Variants in PRKG1 observed in about 807,000 individuals in gnomAD.
PRKG1 encodes cGMP-dependent protein kinase 1.
A neutral mutation model predicts 88.1 loss-of-function variants in PRKG1; 35 were observed. That is an observed-to-expected ratio of 0.40 (90% CI 0.30 to 0.53). The LOEUF (loss-of-function observed/expected upper bound fraction) is 0.53. Among genes scored for constraint, PRKG1 ranks in the 20% least tolerant of loss-of-function variants. The pLI, the probability that PRKG1 is intolerant of heterozygous loss-of-function variation, is 0.59. For missense variants in PRKG1, 540 were observed against 839.8 expected, an observed-to-expected ratio of 0.64 and a Z score of 4.41; for synonymous variants, 303 against 292.5, an observed-to-expected ratio of 1.04 and a Z score of -0.37.
chr10:51,494,763 T>C (rs1236676720), intron 3 of PRKG1, among the ~76,000 whole-genome samples: 2 of 152,224 alleles, frequency 1.3e-5, no homozygotes, highest in Non-Finnish European at 2.9e-5. Context: ...CTCTCTGTAT[T>C]TTTCTATTAA....
intron 2 of PRKG1, among the ~76,000 whole-genome samples, chr10:51,262,118 C>A (rs1230566729): frequency 6.6e-6 from 1 of 151,720 alleles, no homozygotes; most frequent in African/African-American, 2.4e-5. Context: ...GATCTCCTGA[C>A]CTCGTGATCC....
chr10:50,991,391 G>A lies in PRKG1; in HGVS notation c.13G>A (p.Glu5Lys), dbSNP rs200844105. 1.9e-6 allele frequency: 3 copies of A among 1,548,410 alleles called. No homozygotes were observed. Among genetic ancestry groups the A allele is most frequent in the African/African-American group, 1.4e-5 (1 of 71,474 alleles). The stretch of plus-strand genomic sequence containing the variant: ...GCTCAGTGAAAAAATGAGCGAGCTA[G>A]AGGAAGACTTTGCCAAGATTCTCAT... The change falls in exon 1 of 18, where the codon GAG becomes AAG. Residue 5 changes from glutamate to lysine, a missense_variant. Physicochemically the swap from Glu to Lys is moderately conservative, Grantham distance 56. Transcript: ENST00000401604. This position sits in a 1 kb window ranked among gnomAD's most constrained non-coding sequence, Gnocchi z 4.5.
chr10:51,425,933 G>T (rs979837908), intron 2 of PRKG1, among the ~76,000 whole-genome samples: 1 of 152,132 alleles, frequency 6.6e-6, no homozygotes, highest in Non-Finnish European at 1.5e-5. Flanking sequence ...AGATAAATCT[G>T]CATTTAAAAT....
At chr10:52,262,472 T>C (rs1371974685) in intron 10 of PRKG1, among the ~76,000 whole-genome samples, 1 of 152,084 alleles carries the variant, frequency 6.6e-6, no homozygotes. Context: ...AGTTTCACCA[T>C]GTTGGCCAGG....
intron 3 of PRKG1, among the ~76,000 whole-genome samples, chr10:51,699,948 C>T (rs531291119): frequency 6.6e-6 from 1 of 152,252 alleles, no homozygotes; most frequent in Non-Finnish European, 1.5e-5. Context: ...GCTTCCGTTC[C>T]GCTGGCGGGA....
In PRKG1 at chr10:51,608,190, C is replaced by A. The variant is rs77580631; in HGVS notation, c.592+140354C>A. Among the ~76,000 whole-genome samples, 1,175 of 151,588 alleles carry A rather than the reference C, an allele frequency of 7.8e-3. 12 individuals are homozygous for A. Among genetic ancestry groups the A allele is most frequent in the Non-Finnish European group, 9.4e-3 (634 of 67,770 alleles). ...AACAACAGACTGCATATACTATAAC[C>A]GTAATAGGTTTGTTGCCTGATGCAC... On this transcript the variant is annotated intron_variant, in intron 3 of 17. Coordinates refer to ENST00000373980, the MANE Select transcript of PRKG1 (RefSeq NM_006258.4).
At chr10:52,087,851 G>A (rs924424391) in intron 7 of PRKG1, among the ~76,000 whole-genome samples, 2 of 152,010 alleles carry the variant, frequency 1.3e-5, no homozygotes, top group African/African-American at 4.8e-5. Flanking sequence ...TAGAGAAAAA[G>A]CAAAACTTAT....
chr10:51,829,480 A>G lies in PRKG1; in HGVS notation c.698+24790A>G, dbSNP rs115681978. On this transcript the variant is annotated intron_variant, in intron 4 of 17. Transcript: ENST00000373980. ...AGTTGCAGAAGATAAAATCTATGAA[A>G]TATATTTTAACAGCAATAAGGAAAA... is the stretch of plus-strand genomic sequence containing the variant. Among the ~76,000 whole-genome samples, 536 of 152,298 alleles carry G rather than the reference A, an allele frequency of 3.5e-3. 1 individual carries two copies. The highest frequency in any genetic ancestry group is 0.011 in the African/African-American group (448 of 41,574).
intron 4 of PRKG1, among the ~76,000 whole-genome samples, chr10:51,820,778 C>G (rs150643428): frequency 6.6e-6 from 1 of 152,270 alleles, no homozygotes; most frequent in Admixed American, 6.5e-5. Flanking sequence ...AGAAGATTCT[C>G]ATAGATCTTT....
chr10:51,535,744 A>T (rs1379854988), intron 3 of PRKG1, among the ~76,000 whole-genome samples: 3 of 140,560 alleles, frequency 2.1e-5, no homozygotes, highest in African/African-American at 8.3e-5. Context: ...TTTTTTTTTT[A>T]AACGGAGTCT....
intron 4 of PRKG1, among the ~76,000 whole-genome samples, chr10:51,855,467 A>G (rs1840656705): frequency 1.3e-5 from 2 of 152,016 alleles, no homozygotes; most frequent in South Asian, 2.1e-4. Flanking sequence ...CTGCTGCTCC[A>G]CTCTATGTGA....
At chr10:51,958,807 A>C (rs1344142615) in intron 5 of PRKG1, among the ~76,000 whole-genome samples, 2 of 152,138 alleles carry the variant, frequency 1.3e-5, no homozygotes, top group Non-Finnish European at 2.9e-5. Flanking sequence ...AACAGCATCA[A>C]ATATTAGTAG....
At chr10:51,903,232 T>C (rs1276697007) in intron 4 of PRKG1, among the ~76,000 whole-genome samples, 1 of 152,084 alleles carries the variant, frequency 6.6e-6, no homozygotes, top group Non-Finnish European at 1.5e-5. Flanking sequence ...CCAAAAGCAG[T>C]GTTCAGATTT....
chr10:51,889,060 C>CCT (rs1554852658), intron 4 of PRKG1, among the ~76,000 whole-genome samples: 2 of 145,656 alleles, frequency 1.4e-5, no homozygotes, highest in African/African-American at 2.5e-5. Context: ...AACACACATT[C>CCT]TTTTTTTTTT....
chr10:51,606,659 A>T (rs1218456998), intron 3 of PRKG1, among the ~76,000 whole-genome samples: 1 of 152,194 alleles, frequency 6.6e-6, no homozygotes, highest in African/African-American at 2.4e-5. Flanking sequence ...ATGCCTGTTT[A>T]GTATTTTACT....
At chr10:52,121,993 C>T (rs7919897) in intron 7 of PRKG1, among the ~76,000 whole-genome samples, 4,694 of 152,212 alleles carry the variant, frequency 0.031, 221 homozygotes, top group African/African-American at 0.11. Context: ...TACCAATTTC[C>T]TATTTTAAGC....
intron 9 of PRKG1, among the ~76,000 whole-genome samples, chr10:52,186,390 A>G (rs11001100): frequency 0.21 from 31,715 of 151,818 alleles, 4,636 homozygotes; most frequent in African/African-American, 0.41. Context: ...ATTTGCCCCT[A>G]TGATCCAATC....
chr10:52,037,325 AC>A (rs1273869331), intron 5 of PRKG1, among the ~76,000 whole-genome samples: 5 of 152,312 alleles, frequency 3.3e-5, no homozygotes, highest in Admixed American at 3.3e-4. Flanking sequence ...GGTTTGTCTC[AC>A]AGTGGAGGCA....
intron 3 of PRKG1, among the ~76,000 whole-genome samples, chr10:51,729,486 A>C (rs571869433): frequency 2.6e-4 from 39 of 152,028 alleles, no homozygotes; most frequent in African/African-American, 9.4e-4. Flanking sequence ...TTGGGAGGCC[A>C]AGGCGGGCTC....
Sources: allele counts gnomAD v4.1 joint callset (sites outside exome capture counted in the v4.1 genomes callset), GRCh38; gene constraint gnomAD v4.1.1; non-coding constraint Gnocchi (gnomAD v3.1); transcripts MANE v1.5; gene names NCBI Gene and HGNC (gene_info 2026-07-23, HGNC 2026-07-21).